PCDH15: variants seen among roughly 807,000 people sequenced by gnomAD.
PCDH15 encodes protocadherin-15.
A neutral mutation model predicts 178.5 loss-of-function variants in PCDH15; 129 were observed. That is an observed-to-expected ratio of 0.72 (90% CI 0.63 to 0.84). PCDH15 has a LOEUF of 0.84. Among genes scored for constraint, PCDH15 ranks in the 40% least tolerant of loss-of-function variants. PCDH15 has a pLI of 0.00. For missense variants in PCDH15, 2,230 were observed against 2,099.9 expected (o/e 1.06, Z -1.21); for synonymous variants, 800 against 732.0 (o/e 1.09, Z -1.50).
At chr10:54,219,742 A>C (rs1245549100) in intron 9 of PCDH15, among the ~76,000 whole-genome samples, 1 of 151,942 alleles carries the variant, frequency 6.6e-6, no homozygotes, top group African/African-American at 2.4e-5. Flanking sequence ...CAAAAATAAT[A>C]TTTGTGAGAA....
At chr10:53,945,879 A>ATATATATC (rs1554876196) in intron 23 of PCDH15, among the ~76,000 whole-genome samples, 13 of 98,868 alleles carry the variant, frequency 1.3e-4, no homozygotes, top group Non-Finnish European at 2.2e-4. Flanking sequence ...ATATATATAT[A>ATATATATC]TATCACATTT....
chr10:55,542,536 G>GTACAGGATATCAGTATATGTGTATA (rs1841789198), intron 2 of PCDH15, among the ~76,000 whole-genome samples: 2 of 150,350 alleles, frequency 1.3e-5, no homozygotes, highest in African/African-American at 4.9e-5. Flanking sequence ...ATGTACATAT[G>GTACAGGATATCAGTATATGTGTATA]TACAGGATAT....
At position 55,130,242 on chromosome 10, in the gene PCDH15, AG is replaced by A. The variant is rs375391416; in HGVS notation, c.-80+36333del. 4.8e-3 allele frequency among the ~76,000 whole-genome samples: 731 copies of A among 152,254 alleles called. 2 individuals carry two copies. Among genetic ancestry groups the A allele is most frequent in the South Asian group, 8.5e-3 (41 of 4,828 alleles). On this transcript the variant is annotated intron_variant, in intron 2 of 5. Coordinates refer to the PCDH15 transcript ENST00000458638. ...GAGTGTTGCTTTAGGTAAGTGGTCA[AG>A]GGAAGTCTGAAATTTGAGGAGACTC...
chr10:53,938,973 A>G lies in PCDH15; in HGVS notation c.3233-18T>C, dbSNP rs1489862962. 2 of 1,609,224 alleles carry G rather than the reference A, an allele frequency of 1.2e-6. No homozygotes were observed. Among genetic ancestry groups the G allele is most frequent in the Admixed American group, 3.3e-5 (2 of 59,916 alleles). ...AAATGTATCTAGAAATTAAAATACA[A>G]TTACCTGGTCATTGTCTTTACGCTA... On this transcript the variant is annotated intron_variant, in intron 24 of 37. Transcript: ENST00000644397.
intron 15 of PCDH15, among the ~76,000 whole-genome samples, chr10:54,108,480 T>C (rs1439066563): frequency 6.6e-6 from 1 of 152,070 alleles, no homozygotes; most frequent in African/African-American, 2.4e-5. Flanking sequence ...AAACCAGCAG[T>C]TGAAACTTAA....
chr10:53,942,674 A>T (rs1421443908), intron 23 of PCDH15, among the ~76,000 whole-genome samples: 1 of 152,152 alleles, frequency 6.6e-6, no homozygotes, highest in African/African-American at 2.4e-5. Flanking sequence ...TCCCACAAGA[A>T]ACTGATTTCT....
chr10:55,027,426 A>C (rs987768027), intron 2 of PCDH15, among the ~76,000 whole-genome samples: 10 of 151,788 alleles, frequency 6.6e-5, no homozygotes, highest in Non-Finnish European at 1.2e-4. Context: ...ATCAGAGGTG[A>C]ATGAGGGGGT....
At chr10:55,600,372 A>AC (rs1843048075) in intron 2 of PCDH15, among the ~76,000 whole-genome samples, 1 of 151,852 alleles carries the variant, frequency 6.6e-6, no homozygotes, top group African/African-American at 2.4e-5. Flanking sequence ...TTAAAAAAAA[A>AC]AAAAATTGGT....
intron 25 of PCDH15, among the ~76,000 whole-genome samples, chr10:53,928,965 AAGG>A (rs1265578306): frequency 6.6e-6 from 1 of 152,076 alleles, no homozygotes; most frequent in East Asian, 1.9e-4. Context: ...TAGGTATAAG[AAGG>A]AGAACTATTT....
At chr10:54,972,472 G>A (rs1187609858) in intron 2 of PCDH15, among the ~76,000 whole-genome samples, 3 of 151,914 alleles carry the variant, frequency 2.0e-5, no homozygotes, top group Admixed American at 1.3e-4. Flanking sequence ...CCTGGGAGGC[G>A]GAGGTTGTAG....
Position 53,866,634 on chromosome 10 carries a change from C to A in PCDH15, c.3717+8G>T. Reference sequence around the variant, plus strand: ...CTACTTCCCTTTCCTGAAGTTTTATCTACTTACGAGTACATCGGCTTTGCC... The same window carrying A: ...CTACTTCCCTTTCCTGAAGTTTTATATACTTACGAGTACATCGGCTTTGCC... On this transcript the variant is annotated splice_region_variant and intron_variant, in intron 27 of 37. Transcript: ENST00000644397. The A allele has an allele frequency of 6.2e-7, 1 of 1,611,006 alleles. No individual in the cohort carries two copies.
chr10:53,821,727 C>T (rs775553255), intron 32 of PCDH15: 33 of 1,509,470 alleles, frequency 2.2e-5, no homozygotes, highest in South Asian at 3.9e-5. Context: ...AAATTAAAAA[C>T]GAGAAAAAAA....
In PCDH15 at chr10:53,903,338, C is replaced by T. The variant is rs1298520846; in HGVS notation, c.3406G>A (p.Asp1136Asn). ...NTAKVYIEIQ[D>N]ENNHPPVFQK... is the part of the protein sequence containing the mutation. ...AACACTGGGGGATGATTATTTTCAT[C>T]CTGAATCTCAATGTATACTTTAGCT... Residue 1136 changes from aspartate to asparagine, a missense_variant, in exon 26 of 38, where the codon GAT becomes AAT. Transcript: ENST00000644397. 5.0e-6 allele frequency: 8 copies of T among 1,612,914 alleles called. No individual in the cohort carries two copies. Among genetic ancestry groups the T allele is most frequent in the Non-Finnish European group, 5.9e-6 (7 of 1,179,468 alleles).
In PCDH15 at chr10:53,939,010, A is replaced by G. The variant is rs146400185; in HGVS notation, c.3233-55T>C. On this transcript the variant is annotated intron_variant, in intron 24 of 37. Transcript: ENST00000644397. ...TTGTCTTTACGCTATAAGGAAAGAAATTCTCTTTAAAAGGCACTGTGATTT... is the reference window on the plus strand; with the variant it reads ...TTGTCTTTACGCTATAAGGAAAGAAGTTCTCTTTAAAAGGCACTGTGATTT... 10,246 of 1,571,648 alleles carry G rather than the reference A, an allele frequency of 6.5e-3. 46 individuals carry two copies. Among genetic ancestry groups the G allele is most frequent in the Non-Finnish European group, 8.0e-3 (9,204 of 1,146,878 alleles).
chr10:55,329,615 T>G (rs1223446360), intron 2 of PCDH15, among the ~76,000 whole-genome samples: 3 of 151,832 alleles, frequency 2.0e-5, no homozygotes, highest in Admixed American at 6.6e-5. Flanking sequence ...TAGACTCAGG[T>G]TAGCCCTGAA....
intron 1 of PCDH15, among the ~76,000 whole-genome samples, chr10:55,215,860 C>A (rs1359250022): frequency 2.6e-5 from 4 of 151,912 alleles, no homozygotes; most frequent in Non-Finnish European, 5.9e-5. Flanking sequence ...GTCTCAGAGA[C>A]ATCCAGGATT....
At chr10:54,284,436 T>C (rs553559979) in intron 8 of PCDH15, among the ~76,000 whole-genome samples, 14 of 152,316 alleles carry the variant, frequency 9.2e-5, no homozygotes, top group African/African-American at 3.1e-4. Flanking sequence ...ATTTAAGGAT[T>C]ATTTTCCAGT....
At chr10:53,982,236 T>G (rs2090710981) in intron 21 of PCDH15, among the ~76,000 whole-genome samples, 2 of 152,160 alleles carry the variant, frequency 1.3e-5, no homozygotes, top group Admixed American at 6.5e-5. Flanking sequence ...TGTAAACTAG[T>G]TCAACCACTG....
chr10:54,911,836 CATGATT>C (rs1954823828), intron 2 of PCDH15, among the ~76,000 whole-genome samples: 1 of 152,160 alleles, frequency 6.6e-6, no homozygotes, highest in Non-Finnish European at 1.5e-5. Context: ...CACCTTCTGT[CATGATT>C]ATAAGTTTCC....
Sources: allele counts gnomAD v4.1 joint callset (sites outside exome capture counted in the v4.1 genomes callset), GRCh38; gene constraint gnomAD v4.1.1; transcripts MANE v1.5; gene names NCBI Gene and HGNC (gene_info 2026-07-23, HGNC 2026-07-21).